The following CUX1 variants were observed in gnomAD, a reference collection of about 807,000 sequenced individuals.
The protein encoded by CUX1 is cut like homeobox 1.
A neutral mutation model predicts 158.8 loss-of-function variants in CUX1; 31 were observed. The ratio of observed to expected loss-of-function variants is 0.20; its 90% CI spans 0.15 to 0.26. The LOEUF (loss-of-function observed/expected upper bound fraction) is 0.26. CUX1 is among the 10% of genes least tolerant of loss of function. CUX1 has a pLI of 1.00. For missense variants in CUX1, 1,589 were observed against 2,014.6 expected, an observed-to-expected ratio of 0.79 and a Z score of 4.04; for synonymous variants, 879 against 862.1, an observed-to-expected ratio of 1.02 and a Z score of -0.34.
intron 21 of CUX1, among the ~76,000 whole-genome samples, chr7:102,282,439 A>G (rs1554549590): frequency 6.6e-6 from 1 of 152,130 alleles, no homozygotes; most frequent in Non-Finnish European, 1.5e-5. Flanking sequence ...TGGCCCCTAC[A>G]GAGCTAACCT....
At chr7:102,259,761 A>G (rs147274656), downstream of CUX1, among the ~76,000 whole-genome samples, 1 of 5,274 alleles carries the variant, frequency 1.9e-4, no homozygotes, top group East Asian at 0.013. Flanking sequence ...AAAAAAAGAA[A>G]GAAAAGAGAA....
rs879720033 is a variant in CUX1 at position 101,876,692 on chromosome 7, TA to T, written c.31-39412del. On this transcript the variant is annotated intron_variant, in intron 1 of 23. Transcript: ENST00000292535. ...CCTGGCAACATAGCAAAACTCCGTC[TA>T]AAAAAAAAAAGAAAAATGAAAAAGA... is the stretch of plus-strand genomic sequence containing the variant. Among the ~76,000 whole-genome samples the T allele has an allele frequency of 1.7e-3, 245 of 141,320 alleles. 1 individual carries two copies. The highest frequency in any genetic ancestry group is 2.2e-3 in the Non-Finnish European group (142 of 64,644). The allele number at this position is 141,320 out of a possible 152,430, so 92.7% of individuals were successfully genotyped here.
At chr7:101,962,998 A>C (rs540754168) in intron 2 of CUX1, among the ~76,000 whole-genome samples, 1 of 152,302 alleles carries the variant, frequency 6.6e-6, no homozygotes, top group Admixed American at 6.5e-5. Flanking sequence ...GGCATGAGCC[A>C]CTGTGCCCAG....
intron 2 of CUX1, among the ~76,000 whole-genome samples, chr7:102,019,152 A>G (rs1386683276): frequency 1.3e-5 from 2 of 152,062 alleles, no homozygotes; most frequent in Non-Finnish European, 2.9e-5. Context: ...CTCGGTCCAC[A>G]TTCAGGCATT....
intron 1 of CUX1, among the ~76,000 whole-genome samples, chr7:101,895,273 A>T (rs1319808850): frequency 6.6e-6 from 1 of 152,050 alleles, no homozygotes; most frequent in African/African-American, 2.4e-5. Flanking sequence ...GGTATTTTGG[A>T]AATCATGTGG....
chr7:102,249,487 T>C lies in CUX1; in HGVS notation c.*445T>C, dbSNP rs1251995733. 9.1e-6 allele frequency: 9 copies of C among 985,850 alleles called. No individual in the cohort carries two copies. Among genetic ancestry groups the C allele is most frequent in the Non-Finnish European group, 1.1e-5 (9 of 829,984 alleles). The allele number at this position is 985,850 out of a possible 1,614,324, so 61.1% of individuals were successfully genotyped here. A position where few individuals can be genotyped will look rare whatever the true frequency, so the allele number is the denominator to read the frequency against. ...AGCTTTTTTGTACCCTGAAGTGTTT[T>C]TTTTATTGCCCTAAGTGATTTCCAC... On this transcript the variant is annotated 3_prime_UTR_variant, in exon 24 of 24. Transcript: ENST00000292535.
At chr7:102,122,097 A>AT (rs1554493676) in intron 8 of CUX1, among the ~76,000 whole-genome samples, 2 of 152,210 alleles carry the variant, frequency 1.3e-5, no homozygotes, top group African/African-American at 2.4e-5. Flanking sequence ...CATCATATTT[A>AT]GACAAATATT....
chr7:102,239,290 G>A, intron 22 of CUX1, 30 bp from the exon 23 acceptor site: 1 of 1,584,362 alleles, frequency 6.3e-7, no homozygotes, highest in Non-Finnish European at 8.6e-7. Flanking sequence ...AGCTGGGCCT[G>A]ACCTTAGTCT....
chr7:102,108,440 G>A (rs1830586539), intron 6 of CUX1, among the ~76,000 whole-genome samples: 1 of 152,110 alleles, frequency 6.6e-6, no homozygotes. Context: ...TCCGCTCCAG[G>A]TTGAAGTGAT....
intron 2 of CUX1, among the ~76,000 whole-genome samples, chr7:102,010,453 T>C (rs1430505788): frequency 6.6e-6 from 1 of 150,662 alleles, no homozygotes; most frequent in Non-Finnish European, 1.5e-5. Flanking sequence ...GAAAGGGAGA[T>C]TCACCAAGTG....
chr7:101,895,901 TG>T (rs1562974973), intron 1 of CUX1, among the ~76,000 whole-genome samples: 5,577 of 97,900 alleles, frequency 0.057, 404 homozygotes, highest in African/African-American at 0.081. Flanking sequence ...GTTTTTTTTT[TG>T]TTTTTGTTTT....
At chr7:101,824,344 C>G (rs1008106695) in intron 1 of CUX1, 3 of 152,318 alleles carry the variant, frequency 2.0e-5, no homozygotes, top group Admixed American at 2.0e-4. Flanking sequence ...CCCCTTCGGC[C>G]TCCCAAAGTG....
At chr7:102,037,845 A>G (rs2129634571) in intron 3 of CUX1, among the ~76,000 whole-genome samples, 1 of 151,892 alleles carries the variant, frequency 6.6e-6, no homozygotes, top group Non-Finnish European at 1.5e-5. Context: ...ACTTGATGTC[A>G]GGAGTTTGAG....
Position 102,202,060 on chromosome 7 carries a change from G to A in CUX1, c.2763G>A (p.Lys921=). ...LPSSPIVPMS[K]PTKPSVPPLT... ...CCTCCCCGATCGTGCCCATGTCCAA[G>A]CCCACCAAGCCCTCGGTCCCCCCGC... The change falls in exon 18 of 24, where the codon AAG becomes AAA. Residue 921 remains lysine (K), a synonymous_variant. Coordinates refer to ENST00000292535, the MANE Select transcript of CUX1 (RefSeq NM_181552.4). 6.2e-7 allele frequency: 1 copy of A among 1,614,112 alleles called. No homozygotes were observed. The highest frequency in any genetic ancestry group is 8.5e-7 in the Non-Finnish European group (1 of 1,180,002).
chr7:102,045,669 C>T (rs533889437), intron 3 of CUX1, among the ~76,000 whole-genome samples: 2 of 152,388 alleles, frequency 1.3e-5, no homozygotes, highest in East Asian at 1.9e-4. Context: ...AAATTGATTT[C>T]GGCCCAGAGC....
In CUX1 at chr7:102,074,883, G is replaced by A. The variant is rs12537525; in HGVS notation, c.268+4466G>A. Among the ~76,000 whole-genome samples the A allele has an allele frequency of 2.1e-3, 323 of 152,218 alleles. 1 individual carries two copies. The highest frequency in any genetic ancestry group is 0.013 in the East Asian group (66 of 5,164). ...TGAGCTTTTTGTTTTTCTTGAGATG[G>A]GGTCTTGCTCTATCACCTGGGCTCA... On this transcript the variant is annotated intron_variant, in intron 4 of 23. Transcript: ENST00000292535.
chr7:101,880,599 C>A (rs1343505350), intron 1 of CUX1, among the ~76,000 whole-genome samples: 1 of 152,124 alleles, frequency 6.6e-6, no homozygotes, highest in Non-Finnish European at 1.5e-5. Flanking sequence ...AAATGATGAA[C>A]CTGATTCAGG....
intron 5 of CUX1, among the ~76,000 whole-genome samples, chr7:102,102,979 A>G (rs2130968600): frequency 6.6e-6 from 1 of 152,272 alleles, no homozygotes; most frequent in South Asian, 2.1e-4. Flanking sequence ...AGAGCCACCC[A>G]CAGGTCTGTT....
chr7:102,098,215 C>G (rs542242857), intron 5 of CUX1, among the ~76,000 whole-genome samples: 3 of 152,162 alleles, frequency 2.0e-5, no homozygotes, highest in African/African-American at 4.8e-5. Flanking sequence ...AATAATTCGG[C>G]CAGTTTGTTT....
Sources: allele counts gnomAD v4.1 joint callset (sites outside exome capture counted in the v4.1 genomes callset), GRCh38; gene constraint gnomAD v4.1.1; transcripts MANE v1.5; gene names NCBI Gene and HGNC (gene_info 2026-07-23, HGNC 2026-07-21).